The following CNBD1 variants were observed in gnomAD, a reference collection of about 807,000 sequenced individuals.
CNBD1 encodes cyclic nucleotide binding domain containing 1.
Under a neutral mutation model 54.4 loss-of-function variants are expected in CNBD1, and 71 were observed. The observed-to-expected ratio is 1.30, with a 90% CI of 1.08 to 1.59. The LOEUF (loss-of-function observed/expected upper bound fraction) is 1.59. Among genes scored for constraint, CNBD1 ranks in the 40% most tolerant of loss-of-function variants. The pLI is 0.00. For missense variants in CNBD1, 659 were observed against 518.0 expected (o/e 1.27, Z -2.64); for synonymous variants, 182 against 170.7 (o/e 1.07, Z -0.51).
chr8:87,068,255 CAG>C (rs1810693776), intron 4 of CNBD1, among the ~76,000 whole-genome samples: 1 of 151,932 alleles, frequency 6.6e-6, no homozygotes, highest in Non-Finnish European at 1.5e-5. Flanking sequence ...CACTTGCACA[CAG>C]AGAGACACTT....
intron 4 of CNBD1, among the ~76,000 whole-genome samples, chr8:87,031,949 C>T (rs112802467): frequency 0.03 from 4,562 of 152,160 alleles, 236 homozygotes; most frequent in African/African-American, 0.1. Context: ...TCATGTTGGC[C>T]AGGCTGGTCT....
At chr8:87,332,667 T>C (rs1809860723) in intron 8 of CNBD1, among the ~76,000 whole-genome samples, 1 of 152,140 alleles carries the variant, frequency 6.6e-6, no homozygotes, top group Admixed American at 6.6e-5. Flanking sequence ...TTATTAGGTT[T>C]GTCGAATATC....
chr8:87,203,240 T>C (rs1813900805), intron 4 of CNBD1, among the ~76,000 whole-genome samples: 1 of 152,214 alleles, frequency 6.6e-6, no homozygotes, highest in African/African-American at 2.4e-5. Context: ...TATGCATACA[T>C]AGGCACAAAC....
chr8:87,028,973 A>G (rs1025928060), intron 4 of CNBD1, among the ~76,000 whole-genome samples: 3 of 152,228 alleles, frequency 2.0e-5, no homozygotes, highest in Non-Finnish European at 4.4e-5. Flanking sequence ...CTTTGATATT[A>G]GCCATCCTAA....
intron 4 of CNBD1, among the ~76,000 whole-genome samples, chr8:87,155,632 G>A (rs777871362): frequency 6.6e-6 from 1 of 152,162 alleles, no homozygotes; most frequent in Non-Finnish European, 1.5e-5. Context: ...AATTTTGGTG[G>A]AAATGAAAAA....
At chr8:87,078,747 T>A (rs1455152345) in intron 4 of CNBD1, among the ~76,000 whole-genome samples, 1 of 152,184 alleles carries the variant, frequency 6.6e-6, no homozygotes, top group Non-Finnish European at 1.5e-5. Flanking sequence ...GAGCTGTAAC[T>A]TTTCAAAAGC....
chr8:87,210,710 G>T (rs1814078890), intron 5 of CNBD1, among the ~76,000 whole-genome samples: 1 of 152,170 alleles, frequency 6.6e-6, no homozygotes, highest in Admixed American at 6.5e-5. Context: ...CAGTGAAGAA[G>T]GCTTGGCAGC....
At chr8:87,423,195 T>TAG (rs1311225627) in intron 2 of CNBD1, among the ~76,000 whole-genome samples, 1 of 152,184 alleles carries the variant, frequency 6.6e-6, no homozygotes, top group East Asian at 1.9e-4. Context: ...TGGGGTTTTC[T>TAG]AGATATACAT....
chr8:87,142,689 T>C (rs913880086), intron 4 of CNBD1, among the ~76,000 whole-genome samples: 3 of 152,158 alleles, frequency 2.0e-5, no homozygotes, highest in Non-Finnish European at 4.4e-5. Flanking sequence ...AATCAGTTTG[T>C]GATATCTTAC....
chr8:87,251,943 A>C (rs758154943), intron 6 of CNBD1, among the ~76,000 whole-genome samples: 1 of 152,032 alleles, frequency 6.6e-6, no homozygotes, highest in Non-Finnish European at 1.5e-5. Flanking sequence ...TTATAGGTAG[A>C]TTTGAAACCC....
intron 4 of CNBD1, among the ~76,000 whole-genome samples, chr8:87,004,537 T>A (rs1439279113): frequency 6.6e-6 from 1 of 151,800 alleles, no homozygotes; most frequent in Non-Finnish European, 1.5e-5. Flanking sequence ...AAATTAGTAT[T>A]TATCTAAAAA....
At chr8:86,951,162 C>G (rs917886400) in intron 4 of CNBD1, among the ~76,000 whole-genome samples, 3 of 152,060 alleles carry the variant, frequency 2.0e-5, no homozygotes, top group African/African-American at 7.2e-5. Context: ...GAAGCTGATT[C>G]TTAAGCTAAA....
chr8:87,184,584 C>G (rs1813434137), intron 4 of CNBD1, among the ~76,000 whole-genome samples: 1 of 152,162 alleles, frequency 6.6e-6, no homozygotes, highest in Admixed American at 6.5e-5. Context: ...ATGGGGTCTC[C>G]TGCAGCTAGG....
chr8:86,871,460 A>G (rs945692570), intron 1 of CNBD1, among the ~76,000 whole-genome samples: 1 of 152,214 alleles, frequency 6.6e-6, no homozygotes, highest in African/African-American at 2.4e-5. Flanking sequence ...CTTTAACTCT[A>G]CACTCAAAAG....
intron 6 of CNBD1, among the ~76,000 whole-genome samples, chr8:87,240,686 C>G (rs982995811): frequency 4.6e-5 from 7 of 152,100 alleles, no homozygotes; most frequent in Non-Finnish European, 8.8e-5. Flanking sequence ...TTTTCTGGCT[C>G]TTTCCAGTCA....
intron 4 of CNBD1, among the ~76,000 whole-genome samples, chr8:87,123,720 A>G (rs1407521924): frequency 6.6e-6 from 1 of 151,672 alleles, no homozygotes; most frequent in Non-Finnish European, 1.5e-5. Flanking sequence ...AATCAACAAA[A>G]TGAAGAGTTG....
intron 8 of CNBD1, among the ~76,000 whole-genome samples, chr8:87,305,450 G>C (rs1368726143): frequency 6.6e-6 from 1 of 151,990 alleles, no homozygotes; most frequent in Non-Finnish European, 1.5e-5. Context: ...CATAGCCAAA[G>C]CAAGATTAAG....
intron 8 of CNBD1, among the ~76,000 whole-genome samples, chr8:87,302,222 C>T (rs1434482844): frequency 7.2e-5 from 11 of 152,174 alleles, no homozygotes; most frequent in East Asian, 1.9e-4. Context: ...TGATGAACAT[C>T]GAAGCAAAAA....
At chr8:87,317,108 C>G (rs1328501980) in intron 8 of CNBD1, among the ~76,000 whole-genome samples, 1 of 151,688 alleles carries the variant, frequency 6.6e-6, no homozygotes, top group Non-Finnish European at 1.5e-5. Flanking sequence ...GGTGAACTGT[C>G]TGACTAGAAA....
Sources: gnomAD v4.1 joint callset for allele counts (sites outside exome capture counted in the v4.1 genomes callset) on GRCh38, gnomAD v4.1.1 for gene constraint, MANE v1.5 for transcripts, NCBI Gene and HGNC (gene_info 2026-07-23, HGNC 2026-07-21) for gene names.